Variants in DYNC1I1 observed in about 807,000 individuals in gnomAD.
DYNC1I1 encodes cytoplasmic dynein 1 intermediate chain 1.
Under a neutral mutation model 86.6 loss-of-function variants are expected in DYNC1I1, and 43 were observed. That is an observed-to-expected ratio of 0.50 (90% CI 0.39 to 0.64). The LOEUF is 0.64. Ranked by LOEUF, DYNC1I1 falls within the 30% of genes least tolerant of loss-of-function variation. DYNC1I1 has a pLI of 0.00. For missense variants in DYNC1I1, 604 were observed against 788.8 expected, an observed-to-expected ratio of 0.77 and a Z score of 2.81; for synonymous variants, 262 against 283.7, an observed-to-expected ratio of 0.92 and a Z score of 0.77.
intron 7 of DYNC1I1, among the ~76,000 whole-genome samples, chr7:95,980,442 T>G (rs4729229): frequency 0.11 from 16,823 of 151,866 alleles, 1,867 homozygotes; most frequent in East Asian, 0.62. Flanking sequence ...ACCTTGCGTT[T>G]CAAGGATTTA....
intron 14 of DYNC1I1, among the ~76,000 whole-genome samples, chr7:96,074,237 G>C (rs1445556441): frequency 6.6e-6 from 1 of 152,098 alleles, no homozygotes; most frequent in Non-Finnish European, 1.5e-5. Flanking sequence ...AAAATATTCT[G>C]TGTTGCTTTA....
intron 15 of DYNC1I1, among the ~76,000 whole-genome samples, chr7:96,077,987 A>C (rs17167339): frequency 0.012 from 1,878 of 152,346 alleles, 48 homozygotes; most frequent in African/African-American, 0.043. Flanking sequence ...CTTTAACAAT[A>C]ATAGTAGAGA....
chr7:95,979,468 G>A (rs560196265), intron 7 of DYNC1I1, among the ~76,000 whole-genome samples: 2 of 152,316 alleles, frequency 1.3e-5, no homozygotes, highest in South Asian at 2.1e-4. Context: ...CAGTGCCTGG[G>A]TCTATAACTG....
chr7:95,838,537 A>G (rs948449637), intron 5 of DYNC1I1, among the ~76,000 whole-genome samples: 3 of 152,222 alleles, frequency 2.0e-5, no homozygotes, highest in Admixed American at 6.5e-5. Flanking sequence ...TTGGGGTTCC[A>G]TATGAATTTT....
intron 6 of DYNC1I1, among the ~76,000 whole-genome samples, chr7:95,893,189 T>C (rs1451941201): frequency 6.6e-6 from 1 of 152,186 alleles, no homozygotes; most frequent in Non-Finnish European, 1.5e-5. Flanking sequence ...CATTTATTCA[T>C]CCTGAAGGGC....
At chr7:95,776,261 T>A (rs1390114963) in intron 1 of DYNC1I1, among the ~76,000 whole-genome samples, 3 of 152,206 alleles carry the variant, frequency 2.0e-5, no homozygotes, top group Non-Finnish European at 4.4e-5. Context: ...GTTCCTTGAT[T>A]CCTCTCTGAG....
intron 6 of DYNC1I1, among the ~76,000 whole-genome samples, chr7:95,930,838 C>T (rs1562947292): frequency 6.6e-6 from 1 of 152,180 alleles, no homozygotes; most frequent in Non-Finnish European, 1.5e-5. Context: ...TCCTCATTTA[C>T]TGGAGAGGTT....
chr7:96,030,516 G>C (rs1037044608), intron 11 of DYNC1I1, among the ~76,000 whole-genome samples: 2 of 151,934 alleles, frequency 1.3e-5, no homozygotes, highest in African/African-American at 4.8e-5. Flanking sequence ...CACTTTCTCC[G>C]GGCACATGGC....
rs1423045293 is a variant in DYNC1I1 at position 96,063,985 on chromosome 7, A to G, written c.1510-12072A>G. Among the ~76,000 whole-genome samples, 6 of 152,212 alleles carry G rather than the reference A, an allele frequency of 3.9e-5. No individual in the cohort carries two copies. In the South Asian group the frequency reaches 1.0e-3, roughly 26 times the overall value. ...GATGTCGAGGGAAAGCAGCGGGAACAGTTGATGCAATGTGGTTAGCGGGAG... is the reference window on the plus strand; with the variant it reads ...GATGTCGAGGGAAAGCAGCGGGAACGGTTGATGCAATGTGGTTAGCGGGAG... On this transcript the variant is annotated intron_variant, in intron 14 of 16. Coordinates refer to ENST00000447467, the MANE Select transcript of DYNC1I1 (RefSeq NM_001135556.2).
chr7:95,901,349 G>A (rs1296904730), intron 6 of DYNC1I1, among the ~76,000 whole-genome samples: 1 of 152,176 alleles, frequency 6.6e-6, no homozygotes, highest in African/African-American at 2.4e-5. Context: ...TAGTAAAAGG[G>A]ACAGAGTTCT....
chr7:96,081,774 G>C (rs1425911812), intron 16 of DYNC1I1, among the ~76,000 whole-genome samples: 2 of 152,144 alleles, frequency 1.3e-5, no homozygotes, highest in African/African-American at 4.8e-5. Context: ...TGGAACTTTT[G>C]ATGACATATT....
At chr7:95,880,769 C>T (rs111832214) in intron 6 of DYNC1I1, among the ~76,000 whole-genome samples, 52 of 151,708 alleles carry the variant, frequency 3.4e-4, no homozygotes, top group African/African-American at 1.2e-3. Flanking sequence ...CCTCAGCCTC[C>T]CGAGTAGCTG....
chr7:95,805,787 A>G (rs1794688764), intron 2 of DYNC1I1, among the ~76,000 whole-genome samples: 1 of 152,218 alleles, frequency 6.6e-6, no homozygotes, highest in African/African-American at 2.4e-5. Context: ...TTTTGTGTAT[A>G]GAAACCAGAG....
intron 6 of DYNC1I1, among the ~76,000 whole-genome samples, chr7:95,937,475 C>T (rs1042497402): frequency 6.7e-6 from 1 of 149,652 alleles, no homozygotes; most frequent in Non-Finnish European, 1.5e-5. Flanking sequence ...TTTCCAAATT[C>T]GATGTATGGA....
chr7:95,839,719 G>T (rs879715149), intron 5 of DYNC1I1, among the ~76,000 whole-genome samples: 1 of 152,116 alleles, frequency 6.6e-6, no homozygotes, highest in Admixed American at 6.5e-5. Context: ...TCAAGTTGAA[G>T]AACTTTCTTT....
chr7:95,804,664 T>C, intron 1 of DYNC1I1, 57 bp from the exon 2 acceptor site: 2 of 1,456,822 alleles, frequency 1.4e-6, no homozygotes, highest in Non-Finnish European at 1.8e-6. Context: ...ATTTTTGCAA[T>C]GATATACAGA....
Position 95,994,174 on chromosome 7 carries a change from T to C in DYNC1I1, c.844-1774T>C, listed in dbSNP as rs1237550118. On this transcript the variant is annotated intron_variant, in intron 9 of 16. Coordinates refer to ENST00000447467, the MANE Select transcript of DYNC1I1 (RefSeq NM_001135556.2). ...AGGATGATATATAAAGCCTTTCTAT[T>C]GAGCACAGAATTACTAAAATTAAAA... Among the ~76,000 whole-genome samples the C allele has an allele frequency of 2.7e-4, 41 of 152,176 alleles. 1 individual carries two copies. Among genetic ancestry groups the C allele is most frequent in the Admixed American group, 2.7e-3 (41 of 15,278 alleles).
At chr7:95,795,777 A>ACTACT (rs1209731538) in intron 1 of DYNC1I1, among the ~76,000 whole-genome samples, 2 of 152,060 alleles carry the variant, frequency 1.3e-5, no homozygotes, top group Non-Finnish European at 2.9e-5. Context: ...AAGAAAAATA[A>ACTACT]CTACTGGAAA....
chr7:96,005,526 C>A (rs1256347801), intron 10 of DYNC1I1, among the ~76,000 whole-genome samples: 1 of 152,130 alleles, frequency 6.6e-6, no homozygotes, highest in East Asian at 1.9e-4. Flanking sequence ...AAGGCTTCAT[C>A]ACTAAAAGCT....
Sources: gnomAD v4.1 joint callset for allele counts (sites outside exome capture counted in the v4.1 genomes callset) on GRCh38, gnomAD v4.1.1 for gene constraint, MANE v1.5 for transcripts, NCBI Gene and HGNC (gene_info 2026-07-23, HGNC 2026-07-21) for gene names.